Variants in IL20RA observed in about 807,000 individuals in gnomAD.
The protein encoded by IL20RA is interleukin-20 receptor subunit alpha.
Under a neutral mutation model 36.5 loss-of-function variants are expected in IL20RA, and 29 were observed. The ratio of observed to expected loss-of-function variants is 0.79; its 90% CI spans 0.59 to 1.08. IL20RA has a LOEUF of 1.08. IL20RA is among the 50% of genes least tolerant of loss of function. The probability of loss-of-function intolerance (pLI) is 0.00; values close to 1 mark genes in which losing one functional copy is unlikely to be tolerated. For synonymous variants in IL20RA, 279 were observed against 267.1 expected (o/e 1.04, Z -0.43); for missense variants, 652 against 668.4 (o/e 0.98, Z 0.27).
chr6:137,004,174 T>TTTTG (rs1775189938), intron 6 of IL20RA, among the ~76,000 whole-genome samples: 2 of 124,492 alleles, frequency 1.6e-5, no homozygotes, highest in African/African-American at 3.1e-5. Context: ...TTTTTTTTTT[T>TTTTG]TTTTTTTTTT....
chr6:137,036,632 C>G (rs533003088), intron 1 of IL20RA, among the ~76,000 whole-genome samples: 68 of 152,084 alleles, frequency 4.5e-4, no homozygotes, highest in Non-Finnish European at 8.1e-4. Context: ...CCACCAGAAG[C>G]ACGAAGAGGC....
chr6:137,040,349 G>A (rs1290188163), intron 1 of IL20RA, among the ~76,000 whole-genome samples: 2 of 151,504 alleles, frequency 1.3e-5, no homozygotes, highest in African/African-American at 2.4e-5. Flanking sequence ...TCCCAGCTCC[G>A]TCCACCGAGA....
rs145775161 is a variant in IL20RA at position 137,001,645 on chromosome 6, C to T, written c.1575G>A (p.Pro525=). The change falls in exon 7 of 7, where the codon CCG becomes CCA. Residue 525 remains proline, a synonymous_variant. Coordinates refer to ENST00000316649, the MANE Select transcript of IL20RA (RefSeq NM_014432.4). The stretch of plus-strand genomic sequence containing the variant: ...TTTCTCCTGGTGGCCTGTCTGGAGC[C>T]GGCTCCTCATAGAGTCTAGATAGAA... ...EGLLSRLYEE[P]APDRPPGENE... is the part of the protein sequence containing the mutation. 3.8e-5 allele frequency: 62 copies of T among 1,613,624 alleles called. No individual in the cohort carries two copies. The highest frequency in any genetic ancestry group is 5.3e-5 in the Non-Finnish European group (62 of 1,179,780).
chr6:137,003,498 C>G (rs1170564955), intron 6 of IL20RA, among the ~76,000 whole-genome samples: 1 of 152,174 alleles, frequency 6.6e-6, no homozygotes, highest in Non-Finnish European at 1.5e-5. Flanking sequence ...GTCTTTCTCT[C>G]TAGACTGATA....
chr6:137,020,406 T>C lies in IL20RA; in HGVS notation c.89-3303A>G, dbSNP rs139648845. On this transcript the variant is annotated intron_variant, in intron 1 of 6. Coordinates refer to ENST00000316649, the MANE Select transcript of IL20RA (RefSeq NM_014432.4). ...ATTTGTTGTTTAAAGCTATTAAGTG[T>C]AAGGTAATTTGTTACCTAATAGTAG... Among the ~76,000 whole-genome samples the C allele has an allele frequency of 9.9e-5, 15 of 151,896 alleles. No homozygotes were observed. The East Asian group carries it at 2.9e-3, about 29-fold the overall frequency.
intron 4 of IL20RA, chr6:137,009,076 T>C (rs187279457): frequency 3.4e-6 from 2 of 585,032 alleles, no homozygotes; most frequent in Non-Finnish European, 6.1e-6. Context: ...CAAAGTGAAG[T>C]GTACAATCTC....
At chr6:137,003,594 C>T (rs1008065761) in intron 6 of IL20RA, among the ~76,000 whole-genome samples, 4 of 152,206 alleles carry the variant, frequency 2.6e-5, no homozygotes, top group Non-Finnish European at 4.4e-5. Flanking sequence ...TCTAGTCTTA[C>T]TCCGCTCTAA....
chr6:137,004,816 T>C lies in IL20RA; in HGVS notation c.725-56A>G. Reference sequence around the variant, plus strand: ...GGGGGAAGGGATTAGATAGTTGTGATTTGATGTGATGGGAAAAACCTCGTA... The same window carrying C: ...GGGGGAAGGGATTAGATAGTTGTGACTTGATGTGATGGGAAAAACCTCGTA... On this transcript the variant is annotated intron_variant, in intron 5 of 6. Transcript: ENST00000316649. The C allele has an allele frequency of 3.3e-6, 5 of 1,507,714 alleles. No individual in the cohort carries two copies. The South Asian group carries it at 6.2e-5, about 19-fold the overall frequency. The allele number at this position is 1,507,714 out of a possible 1,614,324, so 93.4% of individuals were successfully genotyped here.
intron 5 of IL20RA, among the ~76,000 whole-genome samples, chr6:137,006,944 G>A (rs992564144): frequency 5.3e-5 from 8 of 152,110 alleles, no homozygotes; most frequent in African/African-American, 1.7e-4. Context: ...GGCTGGTCTT[G>A]AACTCCTGGG....
intron 5 of IL20RA, among the ~76,000 whole-genome samples, chr6:137,006,064 C>T (rs72971530): frequency 0.041 from 6,274 of 152,242 alleles, 185 homozygotes; most frequent in Middle Eastern, 0.099. Flanking sequence ...GACAAAAGTC[C>T]GAGTGTGCTC....
chr6:137,015,284 T>C (rs1270419745), intron 2 of IL20RA, among the ~76,000 whole-genome samples: 1 of 152,208 alleles, frequency 6.6e-6, no homozygotes, highest in African/African-American at 2.4e-5. Context: ...ATACAGTATT[T>C]TTATATTCCA....
At chr6:137,004,482 CTG>C in intron 6 of IL20RA, 137 bp downstream of exon 6, 1 of 897,698 alleles carries the variant, frequency 1.1e-6, no homozygotes, top group Non-Finnish European at 1.8e-6. Context: ...AGCCCAGAAA[CTG>C]TTTTTTAATT....
rs376600033 is a variant in IL20RA at position 137,008,574 on chromosome 6, C to G, written c.724+25G>C. The stretch of plus-strand genomic sequence containing the variant: ...AGTTTTAGCAGATCTCCTTCCTAGA[C>G]CAGCAAAGATTTTTTAAAGCTTACC... On this transcript the variant is annotated intron_variant, in intron 5 of 6. Coordinates refer to ENST00000316649, the MANE Select transcript of IL20RA (RefSeq NM_014432.4). 84 of 1,573,170 alleles carry G rather than the reference C, an allele frequency of 5.3e-5. 1 individual carries two copies. The highest frequency in any genetic ancestry group is 9.1e-5 in the Admixed American group (5 of 55,130).
intron 6 of IL20RA, 86 bp downstream of exon 6, chr6:137,004,535 G>T (rs1024451781): frequency 3.2e-6 from 4 of 1,252,408 alleles, no homozygotes; most frequent in Non-Finnish European, 4.6e-6. Context: ...CCCTTAAAGG[G>T]AACTGAATCT....
At chr6:137,003,388 T>TCC (rs1775149885) in intron 6 of IL20RA, among the ~76,000 whole-genome samples, 2 of 152,264 alleles carry the variant, frequency 1.3e-5, no homozygotes, top group Admixed American at 6.5e-5. Context: ...CAGCACATTG[T>TCC]CCCACCTCTG....
chr6:137,014,709 CT>C lies in IL20RA; in HGVS notation c.224+2258del, dbSNP rs758535871. 2.2e-4 allele frequency among the ~76,000 whole-genome samples: 33 copies of C among 152,158 alleles called. 1 individual carries two copies. Among genetic ancestry groups the C allele is most frequent in the East Asian group, 7.7e-4 (4 of 5,186 alleles). On this transcript the variant is annotated intron_variant, in intron 2 of 6. Transcript: ENST00000316649. ...TCAGTACACTTATAGTTCCCCCCCC[CT>C]TTTCCACCTTATATTATTGTTTAAA... is the stretch of plus-strand genomic sequence containing the variant.
Position 137,009,509 on chromosome 6 carries a change from G to T in IL20RA, c.404-17C>A, listed in dbSNP as rs1388602331. On this transcript the variant is annotated splice_polypyrimidine_tract_variant and intron_variant, in intron 3 of 6. Transcript: ENST00000316649. ...CAATTTGTGCTTAAAGGGGGAGAAA[G>T]AGGGTATTATCATGTTCAGATGAAA... 1 of 1,545,806 alleles carries T rather than the reference G, an allele frequency of 6.5e-7. No individual in the cohort carries two copies. The highest frequency in any genetic ancestry group is 8.9e-7 in the Non-Finnish European group (1 of 1,119,570).
At position 137,026,943 on chromosome 6, in the gene IL20RA, G is replaced by A. The variant is rs187033805; in HGVS notation, c.89-9840C>T. Among the ~76,000 whole-genome samples, 804 of 151,798 alleles carry A rather than the reference G, an allele frequency of 5.3e-3. 6 individuals carry two copies. The highest frequency in any genetic ancestry group is 0.018 in the African/African-American group (749 of 41,374). On this transcript the variant is annotated intron_variant, in intron 1 of 6. Transcript: ENST00000316649. ...GTTGCCCAGGCTGGAGTGTAGTGGCGCAATCTTGGCTCACTGCAACCTCCG... is the reference window on the plus strand; with the variant it reads ...GTTGCCCAGGCTGGAGTGTAGTGGCACAATCTTGGCTCACTGCAACCTCCG...
At chr6:137,033,714 C>A (rs923406402) in intron 1 of IL20RA, among the ~76,000 whole-genome samples, 1 of 152,232 alleles carries the variant, frequency 6.6e-6, no homozygotes, top group African/African-American at 2.4e-5. Flanking sequence ...CCTGTAGAAC[C>A]AAGTGCCAAT....
Sources: allele counts gnomAD v4.1 joint callset (sites outside exome capture counted in the v4.1 genomes callset), GRCh38; gene constraint gnomAD v4.1.1; transcripts MANE v1.5; gene names NCBI Gene and HGNC (gene_info 2026-07-23, HGNC 2026-07-21).